MLIP: variants seen among roughly 807,000 people sequenced by gnomAD.
The protein encoded by MLIP is muscular LMNA interacting protein.
Under a neutral mutation model 84.8 loss-of-function variants are expected in MLIP, and 79 were observed. The observed-to-expected ratio is 0.93, with a 90% CI of 0.78 to 1.12. The LOEUF (loss-of-function observed/expected upper bound fraction) is 1.12, where lower values mean the gene tolerates loss of function less well. Ranked by LOEUF, MLIP falls within the 50% of genes most tolerant of loss-of-function variation. The pLI, the probability that MLIP is intolerant of heterozygous loss-of-function variation, is 0.00. For synonymous variants in MLIP, 504 were observed against 463.0 expected (o/e 1.09, Z -1.14); for missense variants, 1,257 against 1,160.6 (o/e 1.08, Z -1.21).
At chr6:54,094,218 G>T (rs1768055153) in intron 1 of MLIP, among the ~76,000 whole-genome samples, 1 of 151,568 alleles carries the variant, frequency 6.6e-6, no homozygotes, top group Admixed American at 6.6e-5. Context: ...TATTGCCTAA[G>T]TTTTTCCTTT....
intron 1 of MLIP, among the ~76,000 whole-genome samples, chr6:54,113,333 C>T (rs1369240828): frequency 6.6e-6 from 1 of 152,098 alleles, no homozygotes; most frequent in Non-Finnish European, 1.5e-5. Context: ...CTTGCCAAAA[C>T]CACTCTCCTT....
At position 54,111,575 on chromosome 6, in the gene MLIP, G is replaced by C; in HGVS notation, c.96G>C (p.Gln32His). 1 of 1,535,940 alleles carries C rather than the reference G, an allele frequency of 6.5e-7. No individual in the cohort carries two copies. The highest frequency in any genetic ancestry group is 8.7e-7 in the Non-Finnish European group (1 of 1,146,802). ...ILSGSIQTTPQVSAGGSEAKP... is the reference protein window; with the variant it reads ...ILSGSIQTTPHVSAGGSEAKP... ...CAGGGAGCATTCAGACCACACCCCA[G>C]GTAAAAGGAAGTCTTTGCTTAATGC... The change falls in exon 1 of 14, where the codon CAG becomes CAC. Residue 32 changes from glutamine (Q) to histidine (H), a missense_variant and splice_region_variant. By Grantham distance (24) the Gln-to-His change is conservative (BLOSUM62 0). Transcript: ENST00000502396.
intron 11 of MLIP, 55 bp from the exon 12 acceptor site, chr6:54,230,659 C>A (rs545111011): frequency 6.5e-7 from 1 of 1,527,868 alleles, no homozygotes; most frequent in Non-Finnish European, 9.0e-7. Context: ...TAATTCCAAG[C>A]GTGCTTGACT....
intron 4 of MLIP, among the ~76,000 whole-genome samples, chr6:54,142,515 G>A (rs1421202420): frequency 6.6e-6 from 1 of 152,152 alleles, no homozygotes; most frequent in Non-Finnish European, 1.5e-5. Context: ...GTGCTTGACA[G>A]GTACAAAGAA....
upstream of MLIP, among the ~76,000 whole-genome samples, chr6:54,109,608 C>G (rs1234835797): frequency 2.0e-5 from 3 of 152,072 alleles, no homozygotes; most frequent in East Asian, 5.8e-4. Context: ...CATAGTTTCC[C>G]TTTCCCCGTT....
At chr6:54,198,490 T>C (rs990629814) in intron 10 of MLIP, among the ~76,000 whole-genome samples, 1 of 152,138 alleles carries the variant, frequency 6.6e-6, no homozygotes, top group Admixed American at 6.6e-5. Flanking sequence ...ACTTTCTAAG[T>C]GGCACTTTGA....
intron 3 of MLIP, among the ~76,000 whole-genome samples, chr6:54,128,696 T>C (rs1043597242): frequency 2.0e-5 from 3 of 152,080 alleles, no homozygotes; most frequent in African/African-American, 7.2e-5. Flanking sequence ...AGGGGTGATG[T>C]GGGAAAACCA....
intron 9 of MLIP, among the ~76,000 whole-genome samples, chr6:54,172,531 G>C (rs1775869944): frequency 6.6e-6 from 1 of 151,572 alleles, no homozygotes; most frequent in African/African-American, 2.4e-5. Flanking sequence ...TAGAAATAGA[G>C]AGGAGGTAGC....
intron 1 of MLIP, among the ~76,000 whole-genome samples, chr6:54,036,771 G>A (rs1764469635): frequency 6.6e-6 from 1 of 151,954 alleles, no homozygotes; most frequent in South Asian, 2.1e-4. Context: ...GTAGGTCAAA[G>A]AGATACCTGC....
chr6:54,047,446 A>G (rs1765127645), intron 1 of MLIP: 1 of 152,214 alleles, frequency 6.6e-6, no homozygotes, highest in African/African-American at 2.4e-5. Flanking sequence ...TAGAACAGTA[A>G]GTGCATAAAA....
At chr6:54,191,128 T>G (rs1047248424) in intron 10 of MLIP, among the ~76,000 whole-genome samples, 3 of 152,082 alleles carry the variant, frequency 2.0e-5, no homozygotes, top group African/African-American at 7.2e-5. Context: ...CTATTTATTG[T>G]CTAAAATTGT....
chr6:54,229,141 G>A (rs535719823), intron 11 of MLIP, among the ~76,000 whole-genome samples: 130 of 152,256 alleles, frequency 8.5e-4, no homozygotes, highest in Middle Eastern at 3.4e-3. Flanking sequence ...CACTCTGTTA[G>A]GTGAATTGAT....
Position 54,067,051 on chromosome 6 carries a change from T to C in MLIP, c.63+47960T>C, listed in dbSNP as rs1429539270. Among the ~76,000 whole-genome samples, 3 of 100,886 alleles carry C rather than the reference T, an allele frequency of 3.0e-5. 1 individual carries two copies. The highest frequency in any genetic ancestry group is 8.6e-5 in the Non-Finnish European group (3 of 35,024). The allele number at this position is 100,886 out of a possible 152,430, so 66.2% of individuals were successfully genotyped here. A position where few individuals can be genotyped will look rare whatever the true frequency, so the allele number is the denominator to read the frequency against. On this transcript the variant is annotated intron_variant, in intron 1 of 12. Coordinates refer to the MLIP transcript ENST00000274897. Reference sequence around the variant, plus strand: ...ACTAAATTATGTAAGCTTTTCTGCCTTTATCAGTTGCATTGACACATGAAA... The same window carrying C: ...ACTAAATTATGTAAGCTTTTCTGCCCTTATCAGTTGCATTGACACATGAAA...
In MLIP at chr6:54,165,486, C is replaced by A. The variant is rs181382478; in HGVS notation, c.2500-4042C>A. ...CTCTTTACAACCCTCAGATTTTAGC[C>A]CCTCAGTTCACCCCATTGATCTCCT... On this transcript the variant is annotated intron_variant, in intron 8 of 13. Transcript: ENST00000502396. 2.0e-5 allele frequency among the ~76,000 whole-genome samples: 3 copies of A among 151,976 alleles called. No homozygotes were observed. In the East Asian group the frequency reaches 5.8e-4, roughly 30 times the overall value.
At chr6:54,065,901 CT>C (rs58947839) in intron 1 of MLIP, among the ~76,000 whole-genome samples, 23,432 of 97,512 alleles carry the variant, frequency 0.24, 8,107 homozygotes, top group Admixed American at 0.39. Flanking sequence ...TGTATGTAGT[CT>C]TTTTTTTGAT....
chr6:54,251,395 A>AT, intron 12 of MLIP, among the ~76,000 whole-genome samples: 1 of 139,892 alleles, frequency 7.1e-6, no homozygotes, highest in East Asian at 2.0e-4. Context: ...TAAAAACACA[A>AT]ATACTTTATT....
chr6:54,164,212 G>A (rs747081615), intron 8 of MLIP, among the ~76,000 whole-genome samples: 2 of 151,344 alleles, frequency 1.3e-5, no homozygotes, highest in African/African-American at 2.4e-5. Context: ...TTACATTTTC[G>A]GTAACTTTTG....
At chr6:54,099,212 T>A (rs920549456) in intron 1 of MLIP, among the ~76,000 whole-genome samples, 1 of 152,180 alleles carries the variant, frequency 6.6e-6, no homozygotes, top group African/African-American at 2.4e-5. Context: ...AAAAATAATT[T>A]AAATTCAATT....
intron 10 of MLIP, among the ~76,000 whole-genome samples, chr6:54,192,287 T>TAAGC (rs1190702343): frequency 6.6e-6 from 1 of 151,940 alleles, no homozygotes; most frequent in East Asian, 1.9e-4. Context: ...TATTATCAAG[T>TAAGC]AAGCATATCA....
Sources: gnomAD v4.1 joint callset for allele counts (sites outside exome capture counted in the v4.1 genomes callset) on GRCh38, gnomAD v4.1.1 for gene constraint, MANE v1.5 for transcripts, NCBI Gene and HGNC (gene_info 2026-07-23, HGNC 2026-07-21) for gene names.